EVC2: variants seen among roughly 807,000 people sequenced by gnomAD.
EVC2 encodes the protein EvC ciliary complex subunit 2, also known as limbin.
In EVC2, 148 loss-of-function variants were observed where a neutral mutation model predicts 149.3. The observed-to-expected ratio is 0.99, with a 90% confidence interval of 0.87 to 1.14. The LOEUF (loss-of-function observed/expected upper bound fraction) is 1.14. Among genes scored for constraint, EVC2 ranks in the 50% most tolerant of loss-of-function variants. The pLI, the probability that EVC2 is intolerant of heterozygous loss-of-function variation, is 0.00. For missense variants in EVC2, 1,854 were observed against 1,627.3 expected, an observed-to-expected ratio of 1.14 and a Z score of -2.40; for synonymous variants, 776 against 649.9, an observed-to-expected ratio of 1.19 and a Z score of -2.95.
chr4:5,694,454 T>A lies in EVC2; in HGVS notation c.331A>T (p.Ile111Phe). ...GAGGCTGCAGAAGTTGAGAGTGGGA[T>A]GAAGACTTCCATTTTCTTGTCCAAT... ...MKLDKKMEVF[I>F]PLSTSAASSG... Residue 111 changes from isoleucine (I) to phenylalanine (F), a missense_variant, in exon 3 of 22, where the codon ATC becomes TTC. Coordinates refer to ENST00000344408, the MANE Select transcript of EVC2 (RefSeq NM_147127.5). 1 of 1,614,200 alleles carries A rather than the reference T, an allele frequency of 6.2e-7. No individual in the cohort carries two copies. Among genetic ancestry groups the A allele is most frequent in the South Asian group, 1.1e-5 (1 of 91,084 alleles).
downstream of EVC2, among the ~76,000 whole-genome samples, chr4:5,539,363 A>T (rs1189993693): frequency 6.6e-6 from 1 of 152,168 alleles, no homozygotes; most frequent in Admixed American, 6.5e-5. Context: ...TTCTCCCTAA[A>T]CTGATCTATA....
the EVC2 span, among the ~76,000 whole-genome samples, chr4:5,534,528 T>C: frequency 6.6e-6 from 1 of 152,180 alleles, no homozygotes; most frequent in Non-Finnish European, 1.5e-5. Flanking sequence ...CCTCTGACGA[T>C]TTTTCTTCCA....
chr4:5,592,479 T>C (rs775222257), intron 16 of EVC2, among the ~76,000 whole-genome samples: 4 of 152,306 alleles, frequency 2.6e-5, no homozygotes, highest in Admixed American at 6.5e-5. Flanking sequence ...CCCCGCCAAA[T>C]ACCAGGAATG....
Position 5,569,637 on chromosome 4 carries a change from G to A in EVC2, c.3361-997C>T, listed in dbSNP as rs1309376786. Among the ~76,000 whole-genome samples, 1 of 152,060 alleles carries A rather than the reference G, an allele frequency of 6.6e-6. No individual in the cohort carries two copies. Among genetic ancestry groups the A allele is most frequent in the Admixed American group, 6.5e-5 (1 of 15,274 alleles). On this transcript the variant is annotated intron_variant, in intron 19 of 21. Transcript: ENST00000344408. The surrounding 1 kb of genome is among the most constrained non-coding windows in gnomAD (Gnocchi z 4.8). ...AGGAGCAGTGTCCAGCCAGGGGCCTGTGCAGGGGCAGGCAGGGGTGGGAGG... is the reference window on the plus strand; with the variant it reads ...AGGAGCAGTGTCCAGCCAGGGGCCTATGCAGGGGCAGGCAGGGGTGGGAGG...
At chr4:5,663,325 C>T in intron 8 of EVC2, 79 bp from the exon 9 acceptor site, 4 of 1,598,202 alleles carry the variant, frequency 2.5e-6, no homozygotes, top group Non-Finnish European at 3.4e-6. Flanking sequence ...GGAGGGAAGG[C>T]CAGGGGTCTG....
intron 9 of EVC2, among the ~76,000 whole-genome samples, chr4:5,648,538 G>A (rs1359872589): frequency 6.6e-6 from 1 of 152,218 alleles, no homozygotes; most frequent in African/African-American, 2.4e-5. Flanking sequence ...CCAGCACAAT[G>A]AGGACCACCC....
chr4:5,676,929 C>G (rs1044942214), intron 7 of EVC2, among the ~76,000 whole-genome samples: 8 of 152,074 alleles, frequency 5.3e-5, no homozygotes, highest in African/African-American at 1.9e-4. Context: ...GCCGCACGCT[C>G]CATTACTTCC....
intron 7 of EVC2, among the ~76,000 whole-genome samples, chr4:5,676,702 T>C (rs897954104): frequency 1.3e-5 from 2 of 152,198 alleles, no homozygotes; most frequent in African/African-American, 4.8e-5. Flanking sequence ...CAAGACCCAA[T>C]TGAATTCTTC....
At chr4:5,544,856 G>A (rs2108756486) in intron 21 of EVC2, among the ~76,000 whole-genome samples, 1 of 152,184 alleles carries the variant, frequency 6.6e-6, no homozygotes, top group East Asian at 1.9e-4. Context: ...ATCCAGCCCT[G>A]CAGCCCCCAG....
intron 16 of EVC2, among the ~76,000 whole-genome samples, chr4:5,598,659 G>C: frequency 6.6e-6 from 1 of 152,060 alleles, no homozygotes; most frequent in Non-Finnish European, 1.5e-5. Context: ...ATAGGCATGG[G>C]CAAGGACTTC....
chr4:5,632,591 C>A (rs888982712), intron 10 of EVC2, among the ~76,000 whole-genome samples: 3 of 152,210 alleles, frequency 2.0e-5, no homozygotes, highest in Non-Finnish European at 4.4e-5. Flanking sequence ...AAGATTATTT[C>A]TCCTATCTTT....
At chr4:5,615,389 A>C (rs1715167868) in intron 16 of EVC2, 33 bp downstream of exon 16, 1 of 1,613,922 alleles carries the variant, frequency 6.2e-7, no homozygotes, top group Non-Finnish European at 8.5e-7. Flanking sequence ...CCATGTGCAG[A>C]GAGAAACAGC....
At chr4:5,662,810 T>C (rs2108895426) in intron 9 of EVC2, among the ~76,000 whole-genome samples, 1 of 151,946 alleles carries the variant, frequency 6.6e-6, no homozygotes, top group Non-Finnish European at 1.5e-5. Context: ...CTTCCTCTTC[T>C]GTGCTCTGCC....
chr4:5,694,440 A>T lies in EVC2; in HGVS notation c.345T>A (p.Thr115=). ...KKMEVFIPLS[T]SAASSGPWAH... ...CCCATGGCCCACTAGAGGCTGCAGAAGTTGAGAGTGGGATGAAGACTTCCA... is the reference window on the plus strand; with the variant it reads ...CCCATGGCCCACTAGAGGCTGCAGATGTTGAGAGTGGGATGAAGACTTCCA... The change falls in exon 3 of 22, where the codon ACT becomes ACA. Residue 115 remains threonine, a synonymous_variant. Transcript: ENST00000344408. 6.2e-7 allele frequency: 1 copy of T among 1,614,226 alleles called. No homozygotes were observed. The highest frequency in any genetic ancestry group is 2.2e-5 in the East Asian group (1 of 44,880).
chr4:5,555,761 A>T (rs1320403596), intron 21 of EVC2, among the ~76,000 whole-genome samples: 1 of 152,232 alleles, frequency 6.6e-6, no homozygotes, highest in African/African-American at 2.4e-5. Flanking sequence ...GTAAGAACAT[A>T]GTTGGCCTGA....
At chr4:5,577,223 AGCCAGGCTAGCTGGCTCTGAAAT>A (rs1722987915) in intron 17 of EVC2, among the ~76,000 whole-genome samples, 1 of 152,236 alleles carries the variant, frequency 6.6e-6, no homozygotes, top group Admixed American at 6.5e-5. Flanking sequence ...CTGAATTTCA[AGCCAGGCTAGCTGGCTCTGAAAT>A]TGCAGTCTTA....
At chr4:5,573,675 A>C (rs985590673) in intron 19 of EVC2, among the ~76,000 whole-genome samples, 1 of 152,214 alleles carries the variant, frequency 6.6e-6, no homozygotes, top group Non-Finnish European at 1.5e-5. Flanking sequence ...AGCTGTGATA[A>C]GCTGCTGTTT....
chr4:5,626,467 G>C (rs1716124152), intron 12 of EVC2, among the ~76,000 whole-genome samples: 1 of 151,662 alleles, frequency 6.6e-6, no homozygotes, highest in Admixed American at 6.6e-5. Flanking sequence ...CGGAGTAGTT[G>C]GGATTACAGG....
At chr4:5,658,984 C>T (rs1212600987) in intron 9 of EVC2, among the ~76,000 whole-genome samples, 5 of 152,144 alleles carry the variant, frequency 3.3e-5, no homozygotes, top group Non-Finnish European at 5.9e-5. Flanking sequence ...TCCATTATAA[C>T]CACAGTCAAG....
Sources: gnomAD v4.1 joint callset for allele counts (sites outside exome capture counted in the v4.1 genomes callset) on GRCh38, gnomAD v4.1.1 for gene constraint, Gnocchi (gnomAD v3.1) non-coding constraint, MANE v1.5 for transcripts, NCBI Gene and HGNC (gene_info 2026-07-23, HGNC 2026-07-21) for gene names.